ZDHHC2: variants seen among roughly 807,000 people sequenced by gnomAD.
ZDHHC2 encodes the protein palmitoyltransferase ZDHHC2.
A neutral mutation model predicts 55.6 loss-of-function variants in ZDHHC2; 51 were observed. The ratio of observed to expected loss-of-function variants is 0.92; its 90% CI spans 0.73 to 1.16. The LOEUF (loss-of-function observed/expected upper bound fraction) is 1.16, where lower values mean the gene tolerates loss of function less well. Among genes scored for constraint, ZDHHC2 ranks in the 50% most tolerant of loss-of-function variants. The pLI is 0.00. For synonymous variants in ZDHHC2, 199 were observed against 152.9 expected (o/e 1.30, Z -2.22); for missense variants, 491 against 442.4 (o/e 1.11, Z -0.99).
rs752799269 is a variant in ZDHHC2, at chr8:17,198,720, A to G, written c.476+307A>G. 3.9e-5 allele frequency among the ~76,000 whole-genome samples: 6 copies of G among 152,230 alleles called. No individual in the cohort carries two copies. In the East Asian group the frequency reaches 1.2e-3, roughly 29 times the overall value. On this transcript the variant is annotated intron_variant, in intron 6 of 12. Coordinates refer to ENST00000262096, the MANE Select transcript of ZDHHC2 (RefSeq NM_016353.5). ...ATTCCAGAATACTTCACAGAAATAC[A>G]CACAAAGATGTACAAGTAAATTATA...
rs751615065 is a variant in ZDHHC2 at position 17,217,251 on chromosome 8, G to A, written c.*34+5G>A. The A allele has an allele frequency of 5.7e-6, 9 of 1,573,200 alleles. No individual in the cohort carries two copies. The highest frequency in any genetic ancestry group is 6.9e-6 in the Non-Finnish European group (8 of 1,154,684). ...ATAAATTCATACTTTATAAAAGTAC[G>A]ATAATTTTCCCTTTATTGTTTTATA... On this transcript the variant is annotated splice_donor_5th_base_variant and intron_variant, in intron 12 of 12. Transcript: ENST00000262096.
At chr8:17,167,607 A>G (rs1804667380) in intron 1 of ZDHHC2, among the ~76,000 whole-genome samples, 1 of 152,142 alleles carries the variant, frequency 6.6e-6, no homozygotes, top group Non-Finnish European at 1.5e-5. Context: ...CAAGCTGGTA[A>G]TATTTTTATG....
rs1184099177 is a variant in ZDHHC2, at chr8:17,199,613, T to G, written c.476+1200T>G. On this transcript the variant is annotated intron_variant, in intron 6 of 12. Transcript: ENST00000262096. ...CTTTCTTCTTCTTTATTCTTTCTTC[T>G]TCTTCTTCTTCCTTTCTTCTTCTTC... Among the ~76,000 whole-genome samples the G allele has an allele frequency of 7.1e-3, 107 of 15,170 alleles. 5 individuals are homozygous for G. The highest frequency in any genetic ancestry group is 0.042 in the Middle Eastern group (1 of 24). The allele number at this position is 15,170 out of a possible 152,430, so 10.0% of individuals were successfully genotyped here.
rs200518007 is a variant in ZDHHC2 at position 17,212,799 on chromosome 8, C to CT, written c.950+2329dup. ...ACTGATCTGACCCCAGACAGTCATT[C>CT]TTTTTTTTTTCTTTTTTTAATGGAG... On this transcript the variant is annotated intron_variant, in intron 10 of 12. Coordinates refer to ENST00000262096, the MANE Select transcript of ZDHHC2 (RefSeq NM_016353.5). 7.0e-4 allele frequency among the ~76,000 whole-genome samples: 104 copies of CT among 149,340 alleles called. 1 individual carries two copies. The East Asian group carries it at 0.014, about 20-fold the overall frequency.
At position 17,173,011 on chromosome 8, in the gene ZDHHC2, G is replaced by T. The variant is rs572084983; in HGVS notation, c.131-11778G>T. 9.3e-4 allele frequency among the ~76,000 whole-genome samples: 142 copies of T among 152,280 alleles called. 2 individuals are homozygous for T. The highest frequency in any genetic ancestry group is 8.2e-3 in the Admixed American group (126 of 15,296). On this transcript the variant is annotated intron_variant, in intron 1 of 12. Transcript: ENST00000262096. ...TTATGTTTGCAGAGGTTTTAAGTTG[G>T]TTGGTGGAGCAAGGGTGACCAGAAG...
intron 3 of ZDHHC2, among the ~76,000 whole-genome samples, chr8:17,194,422 G>A (rs1315981830): frequency 2.0e-5 from 3 of 150,280 alleles, no homozygotes; most frequent in East Asian, 3.9e-4. Flanking sequence ...AAACACCTAA[G>A]CAGCCACCGA....
intron 1 of ZDHHC2, among the ~76,000 whole-genome samples, chr8:17,183,100 G>C (rs1238813641): frequency 6.6e-6 from 1 of 152,110 alleles, no homozygotes; most frequent in Non-Finnish European, 1.5e-5. Flanking sequence ...CTTTGTCTTA[G>C]TTTTCAGTTC....
At position 17,186,445 on chromosome 8, in the gene ZDHHC2, A is replaced by C. The variant is rs1805714979; in HGVS notation, c.252+20A>C. Reference sequence around the variant, plus strand: ...AAAGAAGTAAGTTAAAATATTAACGAAATTATTCTAATAATAGAAATCAAT... The same window carrying C: ...AAAGAAGTAAGTTAAAATATTAACGCAATTATTCTAATAATAGAAATCAAT... On this transcript the variant is annotated intron_variant, in intron 3 of 12. Transcript: ENST00000262096. 2 of 1,356,700 alleles carry C rather than the reference A, an allele frequency of 1.5e-6. No homozygotes were observed. Among genetic ancestry groups the C allele is most frequent in the Admixed American group, 5.6e-5 (2 of 35,834 alleles). 84.0% of individuals were successfully genotyped at this position (1,356,700 alleles called of 1,614,324 possible). A position where few individuals can be genotyped will look rare whatever the true frequency, so the allele number is the denominator to read the frequency against.
At chr8:17,215,550 A>C (rs569906692) in intron 11 of ZDHHC2, among the ~76,000 whole-genome samples, 1 of 152,196 alleles carries the variant, frequency 6.6e-6, no homozygotes, top group Non-Finnish European at 1.5e-5. Flanking sequence ...ATTTTGTGAA[A>C]GATGGATCTG....
intron 6 of ZDHHC2, among the ~76,000 whole-genome samples, chr8:17,199,612 C>CTTCTTCTTCTTCTTCCTTTCTTCTTCCT (rs773068731): frequency 1.0e-4 from 7 of 68,914 alleles, no homozygotes; most frequent in East Asian, 8.9e-4. Context: ...ATTCTTTCTT[C>CTTCTTCTTCTTCTTCCTTTCTTCTTCCT]TTCTTCTTCT....
At chr8:17,165,473 C>G (rs1027367418) in intron 1 of ZDHHC2, among the ~76,000 whole-genome samples, 2 of 152,136 alleles carry the variant, frequency 1.3e-5, no homozygotes, top group Non-Finnish European at 2.9e-5. Context: ...ATATACCAAA[C>G]AAAGAACTGT....
chr8:17,198,827 A>T (rs1056258987), intron 6 of ZDHHC2, among the ~76,000 whole-genome samples: 3 of 152,252 alleles, frequency 2.0e-5, no homozygotes, highest in Admixed American at 1.3e-4. Context: ...AGAATTTGAC[A>T]TTAAGGAGTA....
intron 3 of ZDHHC2, among the ~76,000 whole-genome samples, chr8:17,191,988 T>C (rs935286600): frequency 5.9e-5 from 9 of 152,108 alleles, no homozygotes; most frequent in African/African-American, 2.2e-4. Flanking sequence ...TATTTTACTT[T>C]ATTGGTATTT....
chr8:17,206,111 C>T (rs370696552), intron 7 of ZDHHC2, among the ~76,000 whole-genome samples: 15 of 152,228 alleles, frequency 9.9e-5, no homozygotes, highest in African/African-American at 3.6e-4. Flanking sequence ...TTTCCACAGT[C>T]TATTTAGTGC....
intron 1 of ZDHHC2, among the ~76,000 whole-genome samples, chr8:17,165,685 A>C (rs1414785962): frequency 6.6e-6 from 1 of 152,240 alleles, no homozygotes; most frequent in Admixed American, 6.5e-5. Flanking sequence ...AATAAAAAAC[A>C]TAAGTACATT....
intron 6 of ZDHHC2, among the ~76,000 whole-genome samples, chr8:17,202,445 A>C (rs1054719003): frequency 3.9e-5 from 6 of 152,182 alleles, no homozygotes; most frequent in Non-Finnish European, 5.9e-5. Context: ...TTCTTTTTCA[A>C]ATTTAAAGTC....
chr8:17,183,274 A>G (rs1275180646), intron 1 of ZDHHC2, among the ~76,000 whole-genome samples: 6 of 152,204 alleles, frequency 3.9e-5, no homozygotes, highest in Non-Finnish European at 8.8e-5. Context: ...TTGATCCAGA[A>G]AAGAGTTGTC....
At chr8:17,180,037 A>G (rs1805349670) in intron 1 of ZDHHC2, among the ~76,000 whole-genome samples, 1 of 152,222 alleles carries the variant, frequency 6.6e-6, no homozygotes, top group African/African-American at 2.4e-5. Context: ...TTTAGATGGT[A>G]TGAATGGTGC....
chr8:17,202,817 A>G (rs1168306410), intron 6 of ZDHHC2, among the ~76,000 whole-genome samples: 2 of 151,990 alleles, frequency 1.3e-5, no homozygotes, highest in African/African-American at 4.8e-5. Context: ...ACTCTAAAAT[A>G]TATGGTCTTC....
Sources: allele counts gnomAD v4.1 joint callset (sites outside exome capture counted in the v4.1 genomes callset), GRCh38; gene constraint gnomAD v4.1.1; transcripts MANE v1.5; gene names NCBI Gene and HGNC (gene_info 2026-07-23, HGNC 2026-07-21).